The following SHROOM4 variants were observed in gnomAD, a reference collection of about 807,000 sequenced individuals.
The protein encoded by SHROOM4 is shroom family member 4, also known as protein Shroom4.
A neutral mutation model predicts 80.3 loss-of-function variants in SHROOM4; 17 were observed. That is an observed-to-expected ratio of 0.21 (90% CI 0.14 to 0.32). The LOEUF is 0.32. Among genes scored for constraint, SHROOM4 ranks in the 10% least tolerant of loss-of-function variants. SHROOM4 has a pLI of 1.00. For synonymous variants in SHROOM4, 400 were observed against 437.5 expected (o/e 0.91, Z 1.07); for missense variants, 993 against 1,140.3 (o/e 0.87, Z 1.86).
intron 1 of SHROOM4, among the ~76,000 whole-genome samples, chrX:50,739,522 G>T (rs1229504115): frequency 5.4e-5 from 6 of 111,134 alleles, no homozygotes; most frequent in Non-Finnish European, 1.1e-4. Context: ...GTGGGTGAAG[G>T]ATATGAACAG....
chrX:50,646,929 A>C (rs146852287), intron 2 of SHROOM4, among the ~76,000 whole-genome samples: 12 of 111,021 alleles, frequency 1.1e-4, no homozygotes, highest in African/African-American at 3.9e-4. Context: ...GGGAGTGATA[A>C]CTTCATCTGG....
chrX:50,635,779 C>CAAAAA, intron 3 of SHROOM4, 111 bp from the exon 4 acceptor site: 1 of 380,118 alleles, frequency 2.6e-6, no homozygotes. Flanking sequence ...GGAGGGTAGG[C>CAAAAA]AAAAAAAAAA....
At position 50,628,274 on chromosome X, in the gene SHROOM4, G is replaced by A. The variant is rs1328836806; in HGVS notation, c.2896-599C>T. Among the ~76,000 whole-genome samples, 9 of 111,154 alleles carry A rather than the reference G, an allele frequency of 8.1e-5. No individual in the cohort carries two copies. The Admixed American group carries it at 8.6e-4, about 11-fold the overall frequency. On this transcript the variant is annotated intron_variant, in intron 4 of 8. Coordinates refer to ENST00000376020, the MANE Select transcript of SHROOM4 (RefSeq NM_020717.5). ...GTGGGCCCATCTCTGGGGAATATGA[G>A]TGCAGGTTGCCACAGTCCCTACATT...
chrX:50,690,490 T>C (rs1933191323), intron 2 of SHROOM4, among the ~76,000 whole-genome samples: 2 of 112,315 alleles, frequency 1.8e-5, no homozygotes, highest in South Asian at 7.4e-4. Flanking sequence ...AATTTACTTC[T>C]GAATATTCTC....
chrX:50,730,314 C>G (rs1168314374), intron 1 of SHROOM4, among the ~76,000 whole-genome samples: 2 of 110,553 alleles, frequency 1.8e-5, no homozygotes, highest in African/African-American at 6.6e-5. Context: ...GTAATCCCAG[C>G]TACTCGGGAG....
chrX:50,648,445 A>C (rs1487069268), intron 2 of SHROOM4, among the ~76,000 whole-genome samples: 1 of 112,238 alleles, frequency 8.9e-6, no homozygotes, highest in Non-Finnish European at 1.9e-5. Flanking sequence ...GTGTTTGGAG[A>C]GGTACTAGGC....
intron 2 of SHROOM4, among the ~76,000 whole-genome samples, chrX:50,650,838 C>T (rs1002146736): frequency 5.4e-5 from 6 of 112,136 alleles, no homozygotes; most frequent in Non-Finnish European, 1.1e-4. Context: ...AGCCTAGAGC[C>T]CACCAACCTA....
chrX:50,597,699 G>T (rs782139959), intron 8 of SHROOM4, among the ~76,000 whole-genome samples: 2 of 111,958 alleles, frequency 1.8e-5, no homozygotes, highest in African/African-American at 6.5e-5. Context: ...CAGGTAGTAT[G>T]CTCACCTCAT....
chrX:50,648,596 T>C (rs1427938121), intron 2 of SHROOM4, among the ~76,000 whole-genome samples: 1 of 110,987 alleles, frequency 9.0e-6, no homozygotes, highest in East Asian at 2.8e-4. Context: ...AAAATGAGAG[T>C]CAAAAGAAGG....
intron 2 of SHROOM4, among the ~76,000 whole-genome samples, chrX:50,660,584 C>T (rs1419075532): frequency 1.3e-5 from 1 of 74,295 alleles, no homozygotes; most frequent in Non-Finnish European, 2.6e-5. Context: ...CCCTTCCTCC[C>T]TCCCTCCCTC....
rs1557268969 is a variant in SHROOM4 at position 50,762,315 on chromosome X, T to TGA, written c.117+51586_117+51587insTC. On this transcript the variant is annotated intron_variant, in intron 1 of 8. Coordinates refer to ENST00000376020, the MANE Select transcript of SHROOM4 (RefSeq NM_020717.5). ...TTGCTCCACTGCAACTTCCTTCCCT[T>TGA]CAGCCTACTCTGTGCTGTCATTGTT... Among the ~76,000 whole-genome samples the TGA allele has an allele frequency of 2.7e-3, 301 of 112,509 alleles. 1 individual carries two copies. Among genetic ancestry groups the TGA allele is most frequent in the African/African-American group, 8.9e-3 (276 of 31,025 alleles).
intron 5 of SHROOM4, among the ~76,000 whole-genome samples, chrX:50,608,540 T>C (rs1929805161): frequency 9.0e-6 from 1 of 111,550 alleles, no homozygotes; most frequent in African/African-American, 3.3e-5. Context: ...AGCTAGGATT[T>C]GAACTTGAAC....
In SHROOM4 at chrX:50,638,178, T is replaced by C. The variant is rs782034859; in HGVS notation, c.400A>G (p.Thr134Ala). 1.6e-5 allele frequency: 19 copies of C among 1,204,048 alleles called. No homozygotes were observed. Among genetic ancestry groups the C allele is most frequent in the Admixed American group, 2.2e-5 (1 of 45,162 alleles). Residue 134 changes from threonine (T) to alanine (A), a missense_variant, in exon 3 of 9, where the codon ACA becomes GCA. By Grantham distance (58) the Thr-to-Ala change is moderately conservative (BLOSUM62 0). Transcript: ENST00000376020. ...FSLSWHSGCNTSDVCVQWCPL... is the reference protein window; with the variant it reads ...FSLSWHSGCNASDVCVQWCPL... Reference sequence around the variant, plus strand: ...AGGGGAGGGCTCTAGACTCACCTTGTGTTGCAGCCAGAATGCCAGGACAAG... The same window carrying C: ...AGGGGAGGGCTCTAGACTCACCTTGCGTTGCAGCCAGAATGCCAGGACAAG...
intron 1 of SHROOM4, among the ~76,000 whole-genome samples, chrX:50,772,220 C>T (rs782621678): frequency 1.8e-5 from 2 of 111,539 alleles, no homozygotes; most frequent in Non-Finnish European, 3.8e-5. Context: ...AATAAAGCTA[C>T]GGTCATTTTG....
intron 2 of SHROOM4, among the ~76,000 whole-genome samples, chrX:50,680,765 A>C (rs1557261732): frequency 9.0e-6 from 1 of 111,243 alleles, no homozygotes; most frequent in Non-Finnish European, 1.9e-5. Flanking sequence ...TTTAACCTTG[A>C]CCTATTTTCT....
chrX:50,672,456 TG>T (rs1182983372), intron 2 of SHROOM4, among the ~76,000 whole-genome samples: 6 of 111,033 alleles, frequency 5.4e-5, no homozygotes, highest in Non-Finnish European at 9.5e-5. Context: ...TCAGTACAGT[TG>T]AAGATAGAAA....
chrX:50,742,556 T>C (rs782818544), intron 1 of SHROOM4, among the ~76,000 whole-genome samples: 16 of 106,634 alleles, frequency 1.5e-4, no homozygotes, highest in Non-Finnish European at 2.5e-4. Flanking sequence ...TTTCCAGTAG[T>C]ACTGGTCAGG....
At chrX:50,802,336 T>C (rs1936141710) in intron 1 of SHROOM4, among the ~76,000 whole-genome samples, 1 of 112,067 alleles carries the variant, frequency 8.9e-6, no homozygotes, top group Non-Finnish European at 1.9e-5. Flanking sequence ...TCAGTGGCTT[T>C]AAATAAACAT....
At chrX:50,633,099 A>G (rs1931136992) in intron 4 of SHROOM4, 79 bp downstream of exon 4, 1 of 915,474 alleles carries the variant, frequency 1.1e-6, no homozygotes, top group East Asian at 3.4e-5. Flanking sequence ...TATAATTGTT[A>G]TATTTTTAAA....
Sources: gnomAD v4.1 joint callset for allele counts (sites outside exome capture counted in the v4.1 genomes callset) on GRCh38, gnomAD v4.1.1 for gene constraint, MANE v1.5 for transcripts, NCBI Gene and HGNC (gene_info 2026-07-23, HGNC 2026-07-21) for gene names.